Variants in TRMT11 observed in about 807,000 individuals in gnomAD.
The protein encoded by TRMT11 is tRNA methyltransferase 11.
Under a neutral mutation model 62.8 loss-of-function variants are expected in TRMT11, and 53 were observed. The ratio of observed to expected loss-of-function variants is 0.84; its 90% confidence interval spans 0.68 to 1.06. TRMT11 has a LOEUF of 1.06. TRMT11 is among the 50% of genes least tolerant of loss of function. TRMT11 has a pLI of 0.00. For synonymous variants in TRMT11, 188 were observed against 190.3 expected (o/e 0.99, Z 0.10); for missense variants, 556 against 553.4 (o/e 1.00, Z -0.05).
At chr6:126,066,610 G>A (rs1366833934) in intron 17 of TRMT11, among the ~76,000 whole-genome samples, 2 of 152,090 alleles carry the variant, frequency 1.3e-5, no homozygotes, top group African/African-American at 4.8e-5. Context: ...TCCCACTGGG[G>A]GTTGGGGTTT....
At chr6:126,247,577 T>TAA in the TRMT11 span, among the ~76,000 whole-genome samples, 27 of 146,804 alleles carry the variant, frequency 1.8e-4, no homozygotes, top group East Asian at 4.7e-3. Context: ...TATATATATA[T>TAA]AATAGTCATT....
At chr6:126,215,948 A>G in the TRMT11 span, among the ~76,000 whole-genome samples, 1 of 152,034 alleles carries the variant, frequency 6.6e-6, no homozygotes, top group Non-Finnish European at 1.5e-5. Flanking sequence ...ATGACTTAAA[A>G]AGTTGTAGTT....
At chr6:126,138,701 C>T (rs1054806562) in intron 21 of TRMT11, among the ~76,000 whole-genome samples, 1 of 151,994 alleles carries the variant, frequency 6.6e-6, no homozygotes, top group Non-Finnish European at 1.5e-5. Flanking sequence ...ATCTGTTTGA[C>T]ATTTCTGAGA....
intron 12 of TRMT11, among the ~76,000 whole-genome samples, chr6:126,035,798 C>G (rs931704617): frequency 3.9e-5 from 6 of 152,116 alleles, no homozygotes; most frequent in Non-Finnish European, 8.8e-5. Flanking sequence ...CATTCCCAGT[C>G]TCTGACTCTA....
upstream of TRMT11, among the ~76,000 whole-genome samples, chr6:126,172,531 T>A (rs1778341972): frequency 6.6e-6 from 1 of 152,194 alleles, no homozygotes. Context: ...TCAACAAATA[T>A]TTCCTCACAG....
intron 1 of TRMT11, among the ~76,000 whole-genome samples, chr6:126,190,028 C>T (rs561192456): frequency 1.6e-4 from 25 of 152,170 alleles, no homozygotes; most frequent in African/African-American, 5.1e-4. Context: ...TACATCACCT[C>T]AAACATTTAT....
At chr6:126,162,304 T>C (rs1778200432) in intron 21 of TRMT11, among the ~76,000 whole-genome samples, 1 of 152,240 alleles carries the variant, frequency 6.6e-6, no homozygotes, top group Non-Finnish European at 1.5e-5. Flanking sequence ...CCCAACACCA[T>C]TTATTAAACA....
At chr6:126,122,655 G>A (rs1023400506) in intron 21 of TRMT11, among the ~76,000 whole-genome samples, 1 of 152,072 alleles carries the variant, frequency 6.6e-6, no homozygotes, top group Non-Finnish European at 1.5e-5. Context: ...CATTCTCTTA[G>A]CTTTAGATCT....
chr6:126,243,505 A>T, the TRMT11 span, among the ~76,000 whole-genome samples: 1 of 152,198 alleles, frequency 6.6e-6, no homozygotes, highest in Non-Finnish European at 1.5e-5. Context: ...TTGCGGCACT[A>T]TTCACAATAG....
At chr6:126,043,932 T>C (rs1279264219), downstream of TRMT11, among the ~76,000 whole-genome samples, 2 of 152,198 alleles carry the variant, frequency 1.3e-5, no homozygotes, top group Non-Finnish European at 2.9e-5. Context: ...TTGTTGGAGT[T>C]CATTGTAGAT....
chr6:126,057,271 G>C (rs1776400086), intron 17 of TRMT11, among the ~76,000 whole-genome samples: 2 of 152,172 alleles, frequency 1.3e-5, no homozygotes, highest in South Asian at 4.1e-4. Flanking sequence ...GGTGTCTATG[G>C]TTGTCTTGAT....
chr6:126,199,953 A>G (rs987697889), intron 3 of TRMT11: 2 of 152,360 alleles, frequency 1.3e-5, no homozygotes, highest in African/African-American at 4.8e-5. Flanking sequence ...ATGGAATACT[A>G]ATGAAATGCA....
chr6:126,184,055 T>C (rs1207681937), intron 1 of TRMT11, among the ~76,000 whole-genome samples: 2 of 152,260 alleles, frequency 1.3e-5, no homozygotes, highest in Middle Eastern at 3.4e-3. Context: ...CCCTAATATA[T>C]CTTATTTGGC....
At chr6:126,109,655 G>A (rs1249743865) in intron 17 of TRMT11, among the ~76,000 whole-genome samples, 1 of 152,182 alleles carries the variant, frequency 6.6e-6, no homozygotes, top group Admixed American at 6.6e-5. Flanking sequence ...TGCTTAAGAA[G>A]CTTTGGGTAT....
chr6:126,031,762 G>T (rs1774240643), intron 12 of TRMT11, among the ~76,000 whole-genome samples: 1 of 152,144 alleles, frequency 6.6e-6, no homozygotes, highest in East Asian at 1.9e-4. Context: ...TATCCTGTTG[G>T]TAAAAGGGCA....
At chr6:126,185,168 CA>C (rs1175950035) in intron 1 of TRMT11, among the ~76,000 whole-genome samples, 1 of 152,016 alleles carries the variant, frequency 6.6e-6, no homozygotes, top group Non-Finnish European at 1.5e-5. Flanking sequence ...GGAAATAAGT[CA>C]CATTTTTTCC....
At chr6:126,261,641 T>C in the TRMT11 span, among the ~76,000 whole-genome samples, 1 of 152,328 alleles carries the variant, frequency 6.6e-6, no homozygotes, top group South Asian at 2.1e-4. Flanking sequence ...TACGGTGCAT[T>C]GACTTTGGTT....
intron 17 of TRMT11, among the ~76,000 whole-genome samples, chr6:126,107,853 C>T (rs188397095): frequency 1.9e-4 from 29 of 152,216 alleles, no homozygotes; most frequent in Admixed American, 1.7e-3. Context: ...AAGTCTGTCG[C>T]GTGATTCATA....
intron 21 of TRMT11, among the ~76,000 whole-genome samples, chr6:126,154,407 G>A (rs1778094340): frequency 6.6e-6 from 1 of 152,002 alleles, no homozygotes; most frequent in Admixed American, 6.6e-5. Flanking sequence ...TTTCTGACGG[G>A]TGATAGCATG....
Sources: gnomAD v4.1 joint callset for allele counts (sites outside exome capture counted in the v4.1 genomes callset) on GRCh38, gnomAD v4.1.1 for gene constraint, MANE v1.5 for transcripts, NCBI Gene and HGNC (gene_info 2026-07-23, HGNC 2026-07-21) for gene names.